GRIN2C: variants seen among roughly 807,000 people sequenced by gnomAD.
GRIN2C encodes glutamate ionotropic receptor NMDA type subunit 2C.
In GRIN2C, 64 loss-of-function variants were observed where a neutral mutation model predicts 77.7. The ratio of observed to expected loss-of-function variants is 0.82; its 90% CI spans 0.67 to 1.01. The LOEUF (loss-of-function observed/expected upper bound fraction) is 1.01, where lower values mean the gene tolerates loss of function less well. Ranked by LOEUF, GRIN2C falls within the 50% of genes least tolerant of loss-of-function variation. The probability of loss-of-function intolerance (pLI) is 0.00; values close to 1 mark genes in which losing one functional copy is unlikely to be tolerated. For missense variants in GRIN2C, 1,549 were observed against 1,486.0 expected (o/e 1.04, Z -0.70); for synonymous variants, 792 against 643.4 (o/e 1.23, Z -3.49).
Position 74,843,244 on chromosome 17 carries a change from C to G in GRIN2C, c.2893G>C (p.Gly965Arg). ...PSPTGWGPPDGGRAALVRRAP... is the reference protein window; with the variant it reads ...PSPTGWGPPDRGRAALVRRAP... ...CTGCGCACAAGCGCCGCGCGACCCC[C>G]GTCTGGCGGTCCCCAGCCCGTGGGG... is the stretch of plus-strand genomic sequence containing the variant. The change falls in exon 13 of 13, where the codon GGG becomes CGG. Residue 965 changes from glycine (G) to arginine (R), a missense_variant. By Grantham distance (125) the Gly-to-Arg change is moderately radical. Coordinates refer to ENST00000293190, the MANE Select transcript of GRIN2C (RefSeq NM_000835.6). 1 of 698,306 alleles carries G rather than the reference C, an allele frequency of 1.4e-6. No individual in the cohort carries two copies. Among genetic ancestry groups the G allele is most frequent in the Non-Finnish European group, 2.1e-6 (1 of 474,600 alleles). 43.3% of individuals were successfully genotyped at this position (698,306 alleles called of 1,614,324 possible). A position where few individuals can be genotyped will look rare whatever the true frequency, so the allele number is the denominator to read the frequency against.
At position 74,843,415 on chromosome 17, in the gene GRIN2C, C is replaced by T; in HGVS notation, c.2722G>A (p.Gly908Ser). The change falls in exon 13 of 13, where the codon GGC becomes AGC. Residue 908 changes from glycine to serine, a missense_variant. This residue lies in a region of GRIN2C where 450 missense variants were observed against 267.9 expected (regional missense o/e 1.68). Transcript: ENST00000293190. Reference protein sequence around the residue: ...QAARDMVTTAGVSSSLDRATR... With the variant: ...QAARDMVTTASVSSSLDRATR... ...GCGCGGTCCAGGGAGCTGCTTACGC[C>T]CGCCGTGGTCACCATGTCGCGGGCT... is the stretch of plus-strand genomic sequence containing the variant. 1 of 1,536,040 alleles carries T rather than the reference C, an allele frequency of 6.5e-7. No individual in the cohort carries two copies. The highest frequency in any genetic ancestry group is 8.7e-7 in the Non-Finnish European group (1 of 1,146,142).
At chr17:74,845,636 C>T (rs1161385276) in intron 11 of GRIN2C, among the ~76,000 whole-genome samples, 1 of 152,146 alleles carries the variant, frequency 6.6e-6, no homozygotes, top group African/African-American at 2.4e-5. Flanking sequence ...GGTTTGGGGG[C>T]AGGCTGGGCT....
chr17:74,857,936 A>G (rs2037859541), intron 1 of GRIN2C, among the ~76,000 whole-genome samples: 1 of 152,250 alleles, frequency 6.6e-6, no homozygotes, highest in Non-Finnish European at 1.5e-5. Flanking sequence ...AAGAAAATAT[A>G]CTATTAAAAT....
At position 74,843,570 on chromosome 17, in the gene GRIN2C, C is replaced by T. The variant is rs1245016179; in HGVS notation, c.2584-17G>A. 3.9e-6 allele frequency: 6 copies of T among 1,530,984 alleles called. No homozygotes were observed. Among genetic ancestry groups the T allele is most frequent in the Admixed American group, 2.0e-5 (1 of 50,538 alleles). The allele number at this position is 1,530,984 out of a possible 1,614,324, so 94.8% of individuals were successfully genotyped here. Reference sequence around the variant, plus strand: ...GTAGATGCCCTGGGCAGTAGGGAGACGACAGGCCGTAAGCAGCGCCCTCCG... The same window carrying T: ...GTAGATGCCCTGGGCAGTAGGGAGATGACAGGCCGTAAGCAGCGCCCTCCG... On this transcript the variant is annotated splice_polypyrimidine_tract_variant and intron_variant, in intron 12 of 12. Coordinates refer to ENST00000293190, the MANE Select transcript of GRIN2C (RefSeq NM_000835.6).
Position 74,846,807 on chromosome 17 carries a change from C to T in GRIN2C, c.2115G>A (p.Lys705=), listed in dbSNP as rs566796262. The T allele has an allele frequency of 9.9e-6, 16 of 1,614,166 alleles. No homozygotes were observed. The highest frequency in any genetic ancestry group is 1.4e-5 in the Non-Finnish European group (16 of 1,180,036). ...CGTCCTCCACCGAGCGCTGGTTGAA[C>T]TTGACCATGTGGGTGTGCATGTCAC... ...NYRDMHTHMV[K]FNQRSVEDAL... is the part of the protein sequence containing the mutation. The change falls in exon 10 of 13, where the codon AAG becomes AAA. Residue 705 remains lysine (K), a synonymous_variant. Coordinates refer to ENST00000293190, the MANE Select transcript of GRIN2C (RefSeq NM_000835.6). The surrounding 1 kb of genome is among the most constrained non-coding windows in gnomAD (Gnocchi z 4.4).
chr17:74,852,539 C>G lies in GRIN2C; in HGVS notation c.472G>C (p.Glu158Gln), dbSNP rs2037693141. The change falls in exon 3 of 13, where the codon GAA (glutamate) becomes CAA (glutamine). Residue 158 changes from glutamate (E) to glutamine (Q), a missense_variant. By Grantham distance (29) the Glu-to-Gln change is conservative. This residue lies in a region of GRIN2C where 382 missense variants were observed against 360.0 expected (regional missense o/e 1.06). Transcript: ENST00000293190. Reference protein sequence around the residue: ...QQLQVLFKVLEEYDWSAFAVI... With the variant: ...QQLQVLFKVLQEYDWSAFAVI... The stretch of plus-strand genomic sequence containing the variant: ...GCGAAGGCGCTCCAGTCGTACTCTT[C>G]CAGCACCTTGAACAGCACCTGCAGC... The G allele has an allele frequency of 2.6e-6, 4 of 1,561,932 alleles. No individual in the cohort carries two copies. The African/African-American group carries it at 5.7e-5, about 22-fold the overall frequency.
Position 74,847,082 on chromosome 17 carries a change from C to G in GRIN2C, c.2002-162G>C. On this transcript the variant is annotated intron_variant, in intron 9 of 12. Coordinates refer to ENST00000293190, the MANE Select transcript of GRIN2C (RefSeq NM_000835.6). This position sits in a 1 kb window ranked among gnomAD's most constrained non-coding sequence, Gnocchi z 5.2. ...CACTCCTGTGTTTTCCAAATGGAGACTCTGAGGCCCAAGACAGGGAGAGAC... is the reference window on the plus strand; with the variant it reads ...CACTCCTGTGTTTTCCAAATGGAGAGTCTGAGGCCCAAGACAGGGAGAGAC... 8.8e-6 allele frequency: 7 copies of G among 799,366 alleles called. No homozygotes were observed. In the South Asian group the frequency reaches 1.3e-4, roughly 14 times the overall value. The allele number at this position is 799,366 out of a possible 1,614,324, so 49.5% of individuals were successfully genotyped here.
intron 3 of GRIN2C, 29 bp downstream of exon 3, chr17:74,851,984 C>G: frequency 6.9e-7 from 1 of 1,458,640 alleles, no homozygotes; most frequent in South Asian, 1.5e-5. Flanking sequence ...CCCCACCTCC[C>G]TACCCCTATG....
Position 74,849,967 on chromosome 17 carries a change from G to C in GRIN2C, c.1492-34C>G. ...CGGACGCCACGGAGGTTTGAAAAAG[G>C]GGCTCCCGTGGGGTGGACACGCTGC... On this transcript the variant is annotated intron_variant, in intron 6 of 12. Transcript: ENST00000293190. This position sits in a 1 kb window ranked among gnomAD's most constrained non-coding sequence, Gnocchi z 4.6. 1 of 1,596,566 alleles carries C rather than the reference G, an allele frequency of 6.3e-7. No individual in the cohort carries two copies. The highest frequency in any genetic ancestry group is 8.5e-7 in the Non-Finnish European group (1 of 1,172,830).
In GRIN2C at chr17:74,854,995, G is replaced by A; in HGVS notation, c.98C>T (p.Ala33Val). The change falls in exon 2 of 13, where the codon GCC becomes GTC. Residue 33 changes from alanine to valine, a missense_variant. Physicochemically the swap from Ala to Val is moderately conservative, Grantham distance 64. Transcript: ENST00000293190. ...PGQGEQGMTV[A>V]VVFSSSGPPQ... ...CGGCCCTGAGCTGCTAAACACCACG[G>A]CCACCGTCATGCCCTGCTCGCCCTG... 6.2e-7 allele frequency: 1 copy of A among 1,607,528 alleles called. No homozygotes were observed. Among genetic ancestry groups the A allele is most frequent in the Non-Finnish European group, 8.5e-7 (1 of 1,179,804 alleles).
rs746131749 is a variant in GRIN2C at position 74,846,173 on chromosome 17, A to G, written c.2243T>C (p.Ile748Thr). The G allele has an allele frequency of 1.3e-5, 21 of 1,614,036 alleles. No individual in the cohort carries two copies. The highest frequency in any genetic ancestry group is 4.5e-5 in the East Asian group (2 of 44,900). ...GKDEGCKLVT[I>T]GSGKVFATTG... The stretch of plus-strand genomic sequence containing the variant: ...GGTAGCAAAGACCTTGCCAGACCCA[A>G]TGGTGACCAGCTTGCAGCCCTCGTC... Residue 748 changes from isoleucine to threonine, a missense_variant, in exon 11 of 13, where the codon ATT becomes ACT. Ile to Thr is a moderately conservative substitution (Grantham distance 89, BLOSUM62 -1). Coordinates refer to ENST00000293190, the MANE Select transcript of GRIN2C (RefSeq NM_000835.6). The surrounding 1 kb of genome is among the most constrained non-coding windows in gnomAD (Gnocchi z 4.4).
chr17:74,846,610 T>C lies in GRIN2C; in HGVS notation c.2162+150A>G. ...CACATGGTGGCCTTCCATTTTTGCC[T>C]CAAGCTCCACTCTGCCCCAAGACCT... On this transcript the variant is annotated intron_variant, in intron 10 of 12. Coordinates refer to ENST00000293190, the MANE Select transcript of GRIN2C (RefSeq NM_000835.6). The surrounding 1 kb of genome is among the most constrained non-coding windows in gnomAD (Gnocchi z 4.4). 1.2e-6 allele frequency: 1 copy of C among 818,660 alleles called. No homozygotes were observed. The highest frequency in any genetic ancestry group is 1.8e-5 in the South Asian group (1 of 55,406). 50.7% of individuals were successfully genotyped at this position (818,660 alleles called of 1,614,324 possible).
At chr17:74,844,119 T>C (rs2037385993) in intron 12 of GRIN2C, 157 bp downstream of exon 12, 2 of 1,394,986 alleles carry the variant, frequency 1.4e-6, no homozygotes, top group East Asian at 2.5e-5. Context: ...AGGGATCCAC[T>C]GGCCTAAGCC....
At chr17:74,857,308 A>G (rs690578) in intron 1 of GRIN2C, among the ~76,000 whole-genome samples, 120,280 of 152,096 alleles carry the variant, frequency 0.79, 48,212 homozygotes, top group African/African-American at 0.91. Context: ...TTTAACCACA[A>G]TCAGAGCCTT....
chr17:74,842,790 C>A lies in GRIN2C; in HGVS notation c.3347G>T (p.Arg1116Leu), dbSNP rs2144532537. The A allele has an allele frequency of 1.6e-6, 1 of 635,812 alleles. No individual in the cohort carries two copies. The highest frequency in any genetic ancestry group is 2.8e-6 in the Non-Finnish European group (1 of 356,624). The allele number at this position is 635,812 out of a possible 1,614,324, so 39.4% of individuals were successfully genotyped here. Residue 1116 changes from arginine to leucine, a missense_variant, in exon 13 of 13, where the codon CGC becomes CTC. Physicochemically the swap from Arg to Leu is moderately radical, Grantham distance 102. Transcript: ENST00000293190. ...ARPDGHSACR[R>L]LAQAQSMCLP... ...GCACATCGACTGCGCCTGCGCCAAG[C>A]GCCTGCAGGCCGAGTGGCCGTCGGG...
At position 74,852,505 on chromosome 17, in the gene GRIN2C, G is replaced by C. The variant is rs2037690662; in HGVS notation, c.506C>G (p.Thr169Ser). The C allele has an allele frequency of 1.3e-6, 2 of 1,569,504 alleles. No individual in the cohort carries two copies. The highest frequency in any genetic ancestry group is 1.7e-6 in the Non-Finnish European group (2 of 1,166,128). ...EYDWSAFAVI[T>S]SLHPGHALFL... The stretch of plus-strand genomic sequence containing the variant: ...GAGCGCGTGGCCCGGGTGCAGGCTG[G>C]TGATGACGGCGAAGGCGCTCCAGTC... Residue 169 changes from threonine to serine, a missense_variant, in exon 3 of 13, where the codon ACC (threonine) becomes AGC (serine). Physicochemically the swap from Thr to Ser is moderately conservative, Grantham distance 58 (BLOSUM62 1). Transcript: ENST00000293190.
At chr17:74,855,414 C>T (rs1247734769) in intron 1 of GRIN2C, among the ~76,000 whole-genome samples, 3 of 152,174 alleles carry the variant, frequency 2.0e-5, no homozygotes, top group Non-Finnish European at 4.4e-5. Context: ...GTGGGTTCTG[C>T]CCTAGGAAGT....
rs1239295261 is a variant in GRIN2C, at chr17:74,859,199, C to A, written c.-16+545G>T. The stretch of plus-strand genomic sequence containing the variant: ...CCCACTCAGGGTCTCACCCCTTCCA[C>A]AAACAGCCCTTAAACTAATGTTTGA... On this transcript the variant is annotated intron_variant, in intron 1 of 12. Transcript: ENST00000293190. This position sits in a 1 kb window ranked among gnomAD's most constrained non-coding sequence, Gnocchi z 5.9. Among the ~76,000 whole-genome samples, 1 of 152,206 alleles carries A rather than the reference C, an allele frequency of 6.6e-6. No individual in the cohort carries two copies. The highest frequency in any genetic ancestry group is 1.5e-5 in the Non-Finnish European group (1 of 68,036).
chr17:74,850,276 T>A lies in GRIN2C; in HGVS notation c.1421A>T (p.Asp474Val), dbSNP rs1337203209. The A allele has an allele frequency of 1.2e-6, 2 of 1,613,536 alleles. No individual in the cohort carries two copies. The highest frequency in any genetic ancestry group is 2.7e-5 in the African/African-American group (2 of 74,902). The change falls in exon 6 of 13, where the codon GAC becomes GTC. Residue 474 changes from aspartate to valine, a missense_variant. Around this residue, in one of 3 missense-constraint regions of GRIN2C, gnomAD observed 717 missense variants for 858.1 expected, o/e 0.84. Transcript: ENST00000293190. This position sits in a 1 kb window ranked among gnomAD's most constrained non-coding sequence, Gnocchi z 5.3. ...CTTGCCGTTGGTCACCAGGTACAGG[T>A]CGTAGGAGAATTTGACCACTCTGGC... ...KLARVVKFSY[D>V]LYLVTNGKHG...
Sources: gnomAD v4.1 joint callset for allele counts (sites outside exome capture counted in the v4.1 genomes callset) on GRCh38, gnomAD v4.1.1 for gene constraint, gnomAD v4.1.1 regional missense constraint, Gnocchi (gnomAD v3.1) non-coding constraint, MANE v1.5 for transcripts, NCBI Gene and HGNC (gene_info 2026-07-23, HGNC 2026-07-21) for gene names.